The following PRRC2C variants were observed in gnomAD, a reference collection of about 807,000 sequenced individuals.
The protein encoded by PRRC2C is proline rich coiled-coil 2C, also known as protein PRRC2C.
In PRRC2C, 72 loss-of-function variants were observed where a neutral mutation model predicts 317.2. That is an observed-to-expected ratio of 0.23 (90% CI 0.19 to 0.28). The LOEUF is 0.28. Ranked by LOEUF, PRRC2C falls within the 10% of genes least tolerant of loss-of-function variation. The probability of loss-of-function intolerance (pLI) is 1.00; values close to 1 mark genes in which losing one functional copy is unlikely to be tolerated. For missense variants in PRRC2C, 3,074 were observed against 3,459.7 expected (o/e 0.89, Z 2.80); for synonymous variants, 1,296 against 1,205.9 (o/e 1.07, Z -1.55).
intron 26 of PRRC2C, among the ~76,000 whole-genome samples, chr1:171,577,950 CTTTTTTTT>C (rs59582313): frequency 1.9e-5 from 2 of 103,760 alleles, no homozygotes; most frequent in Non-Finnish European, 3.7e-5. Context: ...GCTAATTTTT[CTTTTTTTT>C]TTTTTTTTTT....
chr1:171,589,644 TCTC>T, intron 34 of PRRC2C, 39 bp downstream of exon 34: 3 of 1,250,736 alleles, frequency 2.4e-6, no homozygotes, highest in Non-Finnish European at 3.1e-6. Flanking sequence ...CAAGAATCTG[TCTC>T]TGAACCATGT....
At chr1:171,543,958 T>C (rs1200922178) in intron 16 of PRRC2C, among the ~76,000 whole-genome samples, 1 of 152,160 alleles carries the variant, frequency 6.6e-6, no homozygotes, top group Non-Finnish European at 1.5e-5. Context: ...TCATGGTAAC[T>C]AACCAACTCC....
chr1:171,537,269 T>G lies in PRRC2C; in HGVS notation c.2300T>G (p.Ile767Ser). Reference protein sequence around the residue: ...MDIPPIHPGMIPPKPLMRRDQ... With the variant: ...MDIPPIHPGMSPPKPLMRRDQ... ...TTCTGAACTTTTGTTACAGGAATGA[T>G]TCCTCCTAAACCATTAATGAGAAGA... The change falls in exon 15 of 35, where the codon ATT (isoleucine) becomes AGT (serine). Residue 767 changes from isoleucine to serine, a missense_variant. Around this residue, in one of 11 missense-constraint regions of PRRC2C, gnomAD observed 1,320 missense variants for 1,395.7 expected, o/e 0.95. Transcript: ENST00000647382. 1 of 1,587,310 alleles carries G rather than the reference T, an allele frequency of 6.3e-7. No homozygotes were observed. The highest frequency in any genetic ancestry group is 2.3e-5 in the East Asian group (1 of 44,298).
chr1:171,501,987 G>T (rs1033241364), intron 1 of PRRC2C, among the ~76,000 whole-genome samples: 1 of 152,092 alleles, frequency 6.6e-6, no homozygotes, highest in Non-Finnish European at 1.5e-5. Flanking sequence ...AGAGATGGGG[G>T]TCTTGCTGGT....
At chr1:171,508,639 T>TATTA (rs540230327) in intron 1 of PRRC2C, among the ~76,000 whole-genome samples, 84 of 152,358 alleles carry the variant, frequency 5.5e-4, no homozygotes, top group African/African-American at 1.9e-3. Context: ...TTAAATTGTG[T>TATTA]ATTACTACTT....
chr1:171,532,592 T>C lies in PRRC2C; in HGVS notation c.1504T>C (p.Ser502Pro), dbSNP rs1398506084. Residue 502 changes from serine (S) to proline (P), a missense_variant, in exon 12 of 35, where the codon TCT (serine) becomes CCT (proline). By Grantham distance (74) the Ser-to-Pro change is moderately conservative (BLOSUM62 -1). Transcript: ENST00000647382. ...EKLGILEKQP[S>P]PEEIRERERE... ...GCTTGGCATCCTGGAAAAACAACCA[T>C]CTCCAGAGGAAATTAGGGAAAGGGA... The C allele has an allele frequency of 1.3e-6, 2 of 1,557,202 alleles. No homozygotes were observed. Among genetic ancestry groups the C allele is most frequent in the African/African-American group, 1.4e-5 (1 of 72,668 alleles).
rs12733939 is a variant in PRRC2C, at chr1:171,486,140, A to G, written c.-58+405A>G. On this transcript the variant is annotated intron_variant, in intron 1 of 34. Coordinates refer to ENST00000647382, the MANE Select transcript of PRRC2C (RefSeq NM_001387844.1). ...TTTTTTTTTTTTTTTAGTGTCGGGT[A>G]TGCGTTTCCCCAAACAACTGAAGGA... Among the ~76,000 whole-genome samples the G allele has an allele frequency of 1.4e-3, 164 of 113,630 alleles. 1 individual carries two copies. The highest frequency in any genetic ancestry group is 2.3e-3 in the Non-Finnish European group (135 of 58,636). 74.5% of individuals were successfully genotyped at this position (113,630 alleles called of 152,430 possible).
intron 19 of PRRC2C, among the ~76,000 whole-genome samples, chr1:171,558,485 T>C (rs1463469287): frequency 1.3e-5 from 2 of 152,186 alleles, no homozygotes; most frequent in African/African-American, 4.8e-5. Flanking sequence ...CTGGTGTCAT[T>C]TTTCCAACAG....
chr1:171,567,500 A>G (rs985021156), intron 22 of PRRC2C, among the ~76,000 whole-genome samples: 2 of 152,210 alleles, frequency 1.3e-5, no homozygotes, highest in African/African-American at 2.4e-5. Flanking sequence ...TTTAATTGCC[A>G]TACAGCTGAA....
chr1:171,508,913 G>A (rs940529402), intron 1 of PRRC2C, among the ~76,000 whole-genome samples: 4 of 151,248 alleles, frequency 2.6e-5, no homozygotes, highest in African/African-American at 9.7e-5. Context: ...TTGAGACAGA[G>A]TCTTGCTCTG....
chr1:171,513,023 T>C lies in PRRC2C; in HGVS notation c.141T>C (p.Leu47=). The change falls in exon 3 of 35, where the codon CTT becomes CTC. Residue 47 remains leucine (L), a synonymous_variant. Transcript: ENST00000647382. The part of the protein sequence containing the change: ...TVAARHGLQS[L]GKVGISRRMP... ...CAGCTCGACATGGATTACAGAGTCTTGGAAAAGTCGGTATTTCACGGCGTA... is the reference window on the plus strand; with the variant it reads ...CAGCTCGACATGGATTACAGAGTCTCGGAAAAGTCGGTATTTCACGGCGTA... 1.2e-6 allele frequency: 2 copies of C among 1,613,082 alleles called. No individual in the cohort carries two copies. Among genetic ancestry groups the C allele is most frequent in the Non-Finnish European group, 1.7e-6 (2 of 1,179,548 alleles).
intron 20 of PRRC2C, among the ~76,000 whole-genome samples, chr1:171,565,964 C>G (rs749813647): frequency 8.5e-5 from 13 of 152,170 alleles, no homozygotes; most frequent in Non-Finnish European, 1.6e-4. Context: ...GAGGAAACAA[C>G]TTGAAGCTGT....
chr1:171,515,933 C>A lies in PRRC2C; in HGVS notation c.526+74C>A, dbSNP rs1436799343. On this transcript the variant is annotated intron_variant, in intron 5 of 34. Transcript: ENST00000647382. ...ATCTTGCAATACAACCTCCTGCTTGCTGTTGCATATATTATTTGCCTACTT... is the reference window on the plus strand; with the variant it reads ...ATCTTGCAATACAACCTCCTGCTTGATGTTGCATATATTATTTGCCTACTT... The A allele has an allele frequency of 3.5e-6, 5 of 1,442,030 alleles. No individual in the cohort carries two copies. The East Asian group carries it at 1.2e-4, about 34-fold the overall frequency. 89.3% of individuals were successfully genotyped at this position (1,442,030 alleles called of 1,614,324 possible).
At chr1:171,550,780 C>G (rs1327119305) in intron 18 of PRRC2C, among the ~76,000 whole-genome samples, 1 of 152,124 alleles carries the variant, frequency 6.6e-6, no homozygotes, top group East Asian at 1.9e-4. Flanking sequence ...ATCCATGTCC[C>G]TGCAAAGGAC....
intron 19 of PRRC2C, among the ~76,000 whole-genome samples, chr1:171,560,255 C>A (rs1236594033): frequency 6.6e-6 from 1 of 152,122 alleles, no homozygotes; most frequent in Non-Finnish European, 1.5e-5. Context: ...TGGAGGAATT[C>A]AAGACATCAG....
chr1:171,577,410 C>T, intron 25 of PRRC2C, 24 bp from the exon 26 acceptor site: 2 of 1,548,674 alleles, frequency 1.3e-6, no homozygotes, highest in African/African-American at 1.4e-5. Flanking sequence ...CTATTTTCCC[C>T]TTTATTTGCT....
rs776763140 is a variant in PRRC2C at position 171,532,770 on chromosome 1, G to T, written c.1682G>T (p.Arg561Ile). The T allele has an allele frequency of 4.6e-6, 7 of 1,527,078 alleles. No homozygotes were observed. Among genetic ancestry groups the T allele is most frequent in the Non-Finnish European group, 5.3e-6 (6 of 1,141,148 alleles). The allele number at this position is 1,527,078 out of a possible 1,614,324, so 94.6% of individuals were successfully genotyped here. A position where few individuals can be genotyped will look rare whatever the true frequency, so the allele number is the denominator to read the frequency against. Residue 561 changes from arginine (R) to isoleucine (I), a missense_variant, in exon 12 of 35, where the codon AGA becomes ATA. This residue lies in a region of PRRC2C where 1,320 missense variants were observed against 1,395.7 expected (regional missense o/e 0.95). Coordinates refer to ENST00000647382, the MANE Select transcript of PRRC2C (RefSeq NM_001387844.1). Reference sequence around the variant, plus strand: ...AAACAAAGAGAAATGGAGAAAGAAAGAAAGCAAGAAAAAGAAAAAGAACTA... The same window carrying T: ...AAACAAAGAGAAATGGAGAAAGAAATAAAGCAAGAAAAAGAAAAAGAACTA... ...QEKQREMEKE[R>I]KQEKEKELER...
rs772994730 is a variant in PRRC2C at position 171,541,262 on chromosome 1, G to C, written c.3796G>C (p.Glu1266Gln). 6.2e-7 allele frequency: 1 copy of C among 1,613,960 alleles called. No homozygotes were observed. ...CAAAAGAAGACGACAGCGGGGTTCAGAGACTGACACAGACAGTGAAATTCA... is the reference window on the plus strand; with the variant it reads ...CAAAAGAAGACGACAGCGGGGTTCACAGACTGACACAGACAGTGAAATTCA... The part of the protein sequence containing the change: ...VPKRRRQRGS[E>Q]TDTDSEIHES... Residue 1266 changes from glutamate to glutamine, a missense_variant, in exon 16 of 35, where the codon GAG (glutamate) becomes CAG (glutamine). Coordinates refer to ENST00000647382, the MANE Select transcript of PRRC2C (RefSeq NM_001387844.1). The surrounding 1 kb of genome is among the most constrained non-coding windows in gnomAD (Gnocchi z 4.1).
At chr1:171,495,160 C>T (rs545208565) in intron 1 of PRRC2C, among the ~76,000 whole-genome samples, 1 of 152,292 alleles carries the variant, frequency 6.6e-6, no homozygotes, top group East Asian at 1.9e-4. Context: ...TTCAGTGGAA[C>T]TGTTATGACT....
Sources: allele counts gnomAD v4.1 joint callset (sites outside exome capture counted in the v4.1 genomes callset), GRCh38; gene constraint gnomAD v4.1.1; regional missense constraint gnomAD v4.1.1; non-coding constraint Gnocchi (gnomAD v3.1); transcripts MANE v1.5; gene names NCBI Gene and HGNC (gene_info 2026-07-23, HGNC 2026-07-21).